TMEM132B: variants seen among roughly 807,000 people sequenced by gnomAD.
The protein encoded by TMEM132B is transmembrane protein 132B.
TMEM132B carries 18 observed loss-of-function variants against 90.8 expected under a neutral mutation model. The ratio of observed to expected loss-of-function variants is 0.20; its 90% CI spans 0.14 to 0.29. The LOEUF (loss-of-function observed/expected upper bound fraction) is 0.29, where lower values mean the gene tolerates loss of function less well. Among genes scored for constraint, TMEM132B ranks in the 10% least tolerant of loss-of-function variants. The pLI, the probability that TMEM132B is intolerant of heterozygous loss-of-function variation, is 1.00. For synonymous variants in TMEM132B, 504 were observed against 523.3 expected, an observed-to-expected ratio of 0.96 and a Z score of 0.50; for missense variants, 1,096 against 1,326.8, an observed-to-expected ratio of 0.83 and a Z score of 2.70.
rs1886993304 is a variant in TMEM132B at position 125,653,909 on chromosome 12, C to T, written c.2451C>T (p.Asp817=). The T allele has an allele frequency of 6.2e-7, 1 of 1,614,124 alleles. No individual in the cohort carries two copies. The highest frequency in any genetic ancestry group is 1.7e-5 in the Admixed American group (1 of 60,022). The change falls in exon 9 of 9, where the codon GAC becomes GAT. Residue 817 remains aspartate, a synonymous_variant. Transcript: ENST00000682704. The part of the protein sequence containing the change: ...DIEGINREYK[D]HLSNSIEREG... ...AGGGCATAAATCGGGAATATAAAGA[C>T]CACCTCAGTAATTCCATAGAGCGCG...
At chr12:125,637,307 T>C (rs1317350049) in intron 5 of TMEM132B, among the ~76,000 whole-genome samples, 1 of 152,200 alleles carries the variant, frequency 6.6e-6, no homozygotes, top group Admixed American at 6.5e-5. Flanking sequence ...ATACTCAACA[T>C]AGAGAGCGGA....
At chr12:125,527,611 C>T (rs1463854680) in intron 4 of TMEM132B, among the ~76,000 whole-genome samples, 16 of 148,162 alleles carry the variant, frequency 1.1e-4, no homozygotes, top group Admixed American at 1.1e-3. Flanking sequence ...CACCCATCCA[C>T]CCTTCCATCT....
At chr12:125,340,765 A>G (rs1877155261) in intron 1 of TMEM132B, among the ~76,000 whole-genome samples, 1 of 152,236 alleles carries the variant, frequency 6.6e-6, no homozygotes, top group African/African-American at 2.4e-5. Flanking sequence ...CTGTTAAGCT[A>G]GACTATCCAA....
chr12:125,577,363 G>A (rs558101450), intron 4 of TMEM132B, among the ~76,000 whole-genome samples: 108 of 151,362 alleles, frequency 7.1e-4, no homozygotes, highest in African/African-American at 2.6e-3. Flanking sequence ...CCTCTGCACT[G>A]CTCCACTCAT....
At chr12:125,308,079 T>TATATACTTATAATACAAGTATATTAC (rs1565998363) in intron 1 of TMEM132B, among the ~76,000 whole-genome samples, 1 of 136,574 alleles carries the variant, frequency 7.3e-6, no homozygotes, top group Non-Finnish European at 1.6e-5. Context: ...AAGTATATTA[T>TATATACTTATAATACAAGTATATTAC]AAGTATATAT....
intron 3 of TMEM132B, among the ~76,000 whole-genome samples, chr12:125,428,562 G>A (rs1880401317): frequency 6.6e-6 from 1 of 152,034 alleles, no homozygotes; most frequent in African/African-American, 2.4e-5. Context: ...TTGAGTGGTT[G>A]CCTCTGCCCC....
At chr12:125,351,227 A>G (rs993916797) in intron 2 of TMEM132B, among the ~76,000 whole-genome samples, 3 of 152,262 alleles carry the variant, frequency 2.0e-5, no homozygotes, top group African/African-American at 7.2e-5. Context: ...GCAAGCAGCC[A>G]TAAGTGAATG....
chr12:125,486,366 T>C (rs1366806098), intron 3 of TMEM132B, among the ~76,000 whole-genome samples: 2 of 152,202 alleles, frequency 1.3e-5, no homozygotes, highest in Non-Finnish European at 2.9e-5. Context: ...GTAAGGTCTA[T>C]GGTGTTAAAC....
intron 1 of TMEM132B, among the ~76,000 whole-genome samples, chr12:125,328,888 C>T (rs1876675786): frequency 6.6e-6 from 1 of 152,178 alleles, no homozygotes; most frequent in Non-Finnish European, 1.5e-5. Flanking sequence ...CAGCTCCAAA[C>T]TAGACTAAAC....
At chr12:125,231,849 A>C (rs1382575924) in intron 1 of TMEM132B, among the ~76,000 whole-genome samples, 2 of 152,058 alleles carry the variant, frequency 1.3e-5, no homozygotes, top group Non-Finnish European at 2.9e-5. Context: ...AAAACAGTTC[A>C]AATAGTAAAG....
At chr12:125,320,776 AGACATTGG>A (rs1283875475) in intron 1 of TMEM132B, among the ~76,000 whole-genome samples, 1 of 152,226 alleles carries the variant, frequency 6.6e-6, no homozygotes, top group African/African-American at 2.4e-5. Flanking sequence ...GGCTGGTCTT[AGACATTGG>A]GACTGTGGGG....
chr12:125,361,860 G>T (rs1222265858), intron 2 of TMEM132B, among the ~76,000 whole-genome samples: 1 of 152,332 alleles, frequency 6.6e-6, no homozygotes, highest in African/African-American at 2.4e-5. Flanking sequence ...TGCTTGAAGA[G>T]CCTGTGCACA....
At chr12:125,489,767 A>G (rs1265665427) in intron 3 of TMEM132B, among the ~76,000 whole-genome samples, 1 of 152,160 alleles carries the variant, frequency 6.6e-6, no homozygotes, top group Non-Finnish European at 1.5e-5. Context: ...ATCTGGATCA[A>G]TTCTCCTGTA....
chr12:125,218,658 G>T (rs1299398188), intron 1 of TMEM132B, among the ~76,000 whole-genome samples: 1 of 151,896 alleles, frequency 6.6e-6, no homozygotes, highest in Non-Finnish European at 1.5e-5. Context: ...CCTTTGATTG[G>T]GCCACCCAGG....
At chr12:125,235,441 AT>A (rs5801590) in intron 1 of TMEM132B, among the ~76,000 whole-genome samples, 4,201 of 140,288 alleles carry the variant, frequency 0.03, 172 homozygotes, top group Admixed American at 0.13. Context: ...TTGCTGCTGG[AT>A]TTTTTTTTTT....
chr12:125,554,691 C>G (rs1028497935), intron 4 of TMEM132B, among the ~76,000 whole-genome samples: 1 of 152,110 alleles, frequency 6.6e-6, no homozygotes, highest in African/African-American at 2.4e-5. Flanking sequence ...TCAGTTACAA[C>G]CACTTTTCTC....
chr12:125,269,241 CCT>C (rs1283949478), intron 1 of TMEM132B, among the ~76,000 whole-genome samples: 1 of 152,138 alleles, frequency 6.6e-6, no homozygotes, highest in Non-Finnish European at 1.5e-5. Flanking sequence ...CAGGTGCTGC[CCT>C]GAGTGTTTTT....
chr12:125,630,336 G>A (rs1209838684), intron 5 of TMEM132B, among the ~76,000 whole-genome samples: 1 of 151,868 alleles, frequency 6.6e-6, no homozygotes, highest in African/African-American at 2.4e-5. Context: ...GTCTCTTCAG[G>A]TTTTGGATTT....
chr12:125,456,997 G>A (rs774744373), intron 3 of TMEM132B, among the ~76,000 whole-genome samples: 17 of 152,058 alleles, frequency 1.1e-4, no homozygotes, highest in African/African-American at 3.6e-4. Context: ...CCCAAATCCC[G>A]AGGTCCTCCC....
Sources: allele counts gnomAD v4.1 joint callset (sites outside exome capture counted in the v4.1 genomes callset), GRCh38; gene constraint gnomAD v4.1.1; transcripts MANE v1.5; gene names NCBI Gene and HGNC (gene_info 2026-07-23, HGNC 2026-07-21).